ERBIN: variants seen among roughly 807,000 people sequenced by gnomAD.
The protein encoded by ERBIN is densin-180-like protein.
Under a neutral mutation model 158.4 loss-of-function variants are expected in ERBIN, and 60 were observed. The observed-to-expected ratio is 0.38, with a 90% CI of 0.31 to 0.47. The LOEUF is 0.47. Ranked by LOEUF, ERBIN falls within the 20% of genes least tolerant of loss-of-function variation. The pLI, the probability that ERBIN is intolerant of heterozygous loss-of-function variation, is 0.99. For missense variants in ERBIN, 1,610 were observed against 1,648.0 expected (o/e 0.98, Z 0.40); for synonymous variants, 594 against 557.2 (o/e 1.07, Z -0.93).
At chr5:65,979,626 A>G (rs1750427962) in intron 1 of ERBIN, among the ~76,000 whole-genome samples, 1 of 152,206 alleles carries the variant, frequency 6.6e-6, no homozygotes, top group South Asian at 2.1e-4. Context: ...GGGATTGGGT[A>G]TTTTCAGGTG....
chr5:66,054,806 A>G lies in ERBIN; in HGVS notation c.3488A>G (p.Asn1163Ser), dbSNP rs373256281. ...PERTMSVSDF[N>S]YSRTSPSKRP... ...AGAACTATGTCAGTTAGTGATTTCA[A>G]TTATTCACGGACTAGTCCTTCAAAA... Residue 1163 changes from asparagine (N) to serine (S), a missense_variant, in exon 21 of 26, where the codon AAT (asparagine) becomes AGT (serine). Coordinates refer to ENST00000284037, the MANE Select transcript of ERBIN (RefSeq NM_001253697.2). The G allele has an allele frequency of 2.3e-5, 37 of 1,614,074 alleles. No homozygotes were observed. The highest frequency in any genetic ancestry group is 1.8e-4 in the Admixed American group (11 of 59,990).
At chr5:66,023,574 G>GTTGAGT (rs1248624758) in intron 9 of ERBIN, among the ~76,000 whole-genome samples, 1 of 151,512 alleles carries the variant, frequency 6.6e-6, no homozygotes, top group African/African-American at 2.4e-5. Context: ...TTTTAATACT[G>GTTGAGT]TTGAGTGTGT....
intron 4 of ERBIN, among the ~76,000 whole-genome samples, chr5:65,997,066 A>G (rs934833695): frequency 6.6e-6 from 1 of 152,164 alleles, no homozygotes; most frequent in Admixed American, 6.5e-5. Context: ...TTGTCTGCAA[A>G]TAGGGACACT....
At chr5:66,049,631 A>G (rs1244438313) in intron 19 of ERBIN, among the ~76,000 whole-genome samples, 1 of 152,154 alleles carries the variant, frequency 6.6e-6, no homozygotes, top group African/African-American at 2.4e-5. Context: ...GATCAAAGTT[A>G]GAGTCCATTT....
At chr5:65,952,372 G>A (rs1746611629) in intron 1 of ERBIN, among the ~76,000 whole-genome samples, 1 of 151,828 alleles carries the variant, frequency 6.6e-6, no homozygotes, top group Admixed American at 6.6e-5. Context: ...TTAAAGAGAT[G>A]GGCTCTCACT....
chr5:66,073,357 C>A (rs562072533), intron 22 of ERBIN, among the ~76,000 whole-genome samples: 1 of 152,222 alleles, frequency 6.6e-6, no homozygotes, highest in African/African-American at 2.4e-5. Flanking sequence ...TACTCATGGG[C>A]AAATCAGTTG....
intron 16 of ERBIN, 129 bp from the exon 17 acceptor site, chr5:66,044,008 A>G: frequency 1.9e-6 from 1 of 538,822 alleles, no homozygotes; most frequent in Non-Finnish European, 3.0e-6. Flanking sequence ...AAAGCCTATC[A>G]TCTGTCTTCA....
chr5:65,934,532 T>A (rs1462540185), intron 1 of ERBIN, among the ~76,000 whole-genome samples: 1 of 152,192 alleles, frequency 6.6e-6, no homozygotes, highest in African/African-American at 2.4e-5. Context: ...CATGATTAGA[T>A]CTTTGATTAG....
At chr5:65,989,626 C>T (rs927827696) in intron 2 of ERBIN, among the ~76,000 whole-genome samples, 1 of 152,216 alleles carries the variant, frequency 6.6e-6, no homozygotes, top group African/African-American at 2.4e-5. Flanking sequence ...TGAACAATTA[C>T]TTGACCCTAT....
rs984897485 is a variant in ERBIN at position 65,993,877 on chromosome 5, T to A, written c.190-870T>A. Reference sequence around the variant, plus strand: ...AAATTATTTGTTGTTTGTCTGAAATTCAAATTTAATGGACATCTTATACCT... The same window carrying A: ...AAATTATTTGTTGTTTGTCTGAAATACAAATTTAATGGACATCTTATACCT... On this transcript the variant is annotated intron_variant, in intron 3 of 25. Transcript: ENST00000284037. 7.2e-5 allele frequency among the ~76,000 whole-genome samples: 11 copies of A among 152,288 alleles called. 1 individual carries two copies. Among genetic ancestry groups the A allele is most frequent in the African/African-American group, 2.6e-4 (11 of 41,572 alleles).
intron 7 of ERBIN, among the ~76,000 whole-genome samples, chr5:66,018,246 C>A (rs781364489): frequency 6.7e-6 from 1 of 149,896 alleles, no homozygotes; most frequent in African/African-American, 2.4e-5. Flanking sequence ...GACATTGAAT[C>A]TGTACATTGC....
intron 7 of ERBIN, among the ~76,000 whole-genome samples, chr5:66,016,895 G>T (rs146630214): frequency 3.9e-5 from 6 of 152,126 alleles, no homozygotes; most frequent in South Asian, 4.1e-4. Flanking sequence ...GATTACAGGC[G>T]TGAGCCACCA....
intron 6 of ERBIN, among the ~76,000 whole-genome samples, chr5:66,014,203 T>C (rs555595793): frequency 7.2e-5 from 11 of 152,342 alleles, no homozygotes; most frequent in African/African-American, 9.6e-5. Context: ...ATTCCTCTTC[T>C]GTATCTGGCA....
In ERBIN at chr5:66,043,168, A is replaced by C; in HGVS notation, c.1398A>C (p.Glu466Asp). 1 of 1,613,562 alleles carries C rather than the reference A, an allele frequency of 6.2e-7. No individual in the cohort carries two copies. The highest frequency in any genetic ancestry group is 8.5e-7 in the Non-Finnish European group (1 of 1,179,576). The stretch of plus-strand genomic sequence containing the variant: ...CTCAAGTTGCATTTGAATGTGATGA[A>C]GACAAAGATGAAAGGGAGGCACCTC... ...QRAQVAFECD[E>D]DKDEREAPPR... The change falls in exon 16 of 26, where the codon GAA becomes GAC. Residue 466 changes from glutamate (E) to aspartate (D), a missense_variant. Glu to Asp is a conservative substitution (Grantham distance 45). Transcript: ENST00000284037.
At chr5:66,011,706 GA>G (rs1230441257) in intron 4 of ERBIN, among the ~76,000 whole-genome samples, 7 of 150,912 alleles carry the variant, frequency 4.6e-5, no homozygotes, top group African/African-American at 1.7e-4. Context: ...TAAAAATAAT[GA>G]AAAACGGTCC....
intron 4 of ERBIN, among the ~76,000 whole-genome samples, chr5:66,002,033 C>G (rs576700645): frequency 6.6e-5 from 10 of 152,188 alleles, no homozygotes; most frequent in African/African-American, 2.4e-4. Context: ...TCTGATTGTT[C>G]AACTCCCACT....
chr5:66,067,117 T>C (rs1261189145), intron 21 of ERBIN, among the ~76,000 whole-genome samples: 1 of 152,200 alleles, frequency 6.6e-6, no homozygotes, highest in African/African-American at 2.4e-5. Flanking sequence ...TCCAGTCAAA[T>C]GTTTATGAAA....
At chr5:66,055,620 T>C (rs1261087815) in intron 21 of ERBIN, among the ~76,000 whole-genome samples, 1 of 152,164 alleles carries the variant, frequency 6.6e-6, no homozygotes. Flanking sequence ...ATATATATCC[T>C]TGTAAAACCA....
At chr5:65,978,079 C>G (rs1004192181) in intron 1 of ERBIN, among the ~76,000 whole-genome samples, 2 of 152,176 alleles carry the variant, frequency 1.3e-5, no homozygotes, top group African/African-American at 4.8e-5. Context: ...TATTTGTGAT[C>G]TGTATTGTCA....
Sources: gnomAD v4.1 joint callset for allele counts (sites outside exome capture counted in the v4.1 genomes callset) on GRCh38, gnomAD v4.1.1 for gene constraint, MANE v1.5 for transcripts, NCBI Gene and HGNC (gene_info 2026-07-23, HGNC 2026-07-21) for gene names.